The following SLC8A1 variants were observed in gnomAD, a reference collection of about 807,000 sequenced individuals.
SLC8A1 encodes sodium/calcium exchanger 1.
A neutral mutation model predicts 68.3 loss-of-function variants in SLC8A1; 18 were observed. The ratio of observed to expected loss-of-function variants is 0.26; its 90% confidence interval spans 0.18 to 0.39. SLC8A1 has a LOEUF of 0.39. SLC8A1 is among the 10% of genes least tolerant of loss of function. SLC8A1 has a pLI of 1.00. For missense variants in SLC8A1, 985 were observed against 1,156.7 expected, an observed-to-expected ratio of 0.85 and a Z score of 2.15; for synonymous variants, 475 against 415.5, an observed-to-expected ratio of 1.14 and a Z score of -1.74.
At chr2:40,176,320 G>A (rs1399337563) in intron 3 of SLC8A1, among the ~76,000 whole-genome samples, 2 of 152,124 alleles carry the variant, frequency 1.3e-5, no homozygotes, top group Non-Finnish European at 2.9e-5. Flanking sequence ...GCTGTTACAT[G>A]AGAGCATATT....
intron 2 of SLC8A1, among the ~76,000 whole-genome samples, chr2:40,220,806 T>G (rs573969913): frequency 6.6e-6 from 1 of 152,068 alleles, no homozygotes; most frequent in Admixed American, 6.6e-5. Flanking sequence ...TGTAACAGAT[T>G]CAGACTAGAT....
chr2:40,196,739 A>C (rs1214189019), intron 2 of SLC8A1, among the ~76,000 whole-genome samples: 2 of 151,776 alleles, frequency 1.3e-5, no homozygotes, highest in Admixed American at 6.6e-5. Flanking sequence ...TATCTGTCTC[A>C]CTCCCCACAT....
At chr2:40,167,350 A>G (rs969811740) in intron 4 of SLC8A1, among the ~76,000 whole-genome samples, 3 of 152,158 alleles carry the variant, frequency 2.0e-5, no homozygotes, top group Admixed American at 6.5e-5. Context: ...TCCATTGTAA[A>G]AATTTTTTAA....
intron 2 of SLC8A1, among the ~76,000 whole-genome samples, chr2:40,297,062 C>T (rs1026163444): frequency 1.2e-4 from 19 of 152,024 alleles, no homozygotes; most frequent in Non-Finnish European, 2.6e-4. Context: ...TCTTGGTGAA[C>T]TGAAGGCACA....
chr2:40,425,538 T>C (rs1228946807), intron 2 of SLC8A1, among the ~76,000 whole-genome samples: 1 of 151,920 alleles, frequency 6.6e-6, no homozygotes, highest in Non-Finnish European at 1.5e-5. Flanking sequence ...TAATAAAGTC[T>C]GGCTTTGTGC....
intron 2 of SLC8A1, among the ~76,000 whole-genome samples, chr2:40,258,295 T>C (rs890641350): frequency 6.6e-6 from 1 of 152,332 alleles, no homozygotes; most frequent in Non-Finnish European, 1.5e-5. Flanking sequence ...CTAGCCACTG[T>C]GAGTGCTGGC....
chr2:40,316,338 C>T (rs1273162991), intron 2 of SLC8A1, among the ~76,000 whole-genome samples: 1 of 151,960 alleles, frequency 6.6e-6, no homozygotes, highest in East Asian at 1.9e-4. Flanking sequence ...ACTTTTACTA[C>T]CTCCAAAAAG....
intron 2 of SLC8A1, among the ~76,000 whole-genome samples, chr2:40,362,345 A>G (rs1422391434): frequency 2.0e-5 from 3 of 152,164 alleles, no homozygotes; most frequent in Non-Finnish European, 4.4e-5. Flanking sequence ...TAGCATAAAT[A>G]ATGACAGCCC....
At chr2:40,134,201 C>A (rs906608857) in intron 7 of SLC8A1, among the ~76,000 whole-genome samples, 1 of 151,946 alleles carries the variant, frequency 6.6e-6, no homozygotes, top group Non-Finnish European at 1.5e-5. Flanking sequence ...AAGCCATTCT[C>A]CTGTCTCAGC....
chr2:40,342,264 T>C (rs912675265), intron 2 of SLC8A1, among the ~76,000 whole-genome samples: 2 of 152,194 alleles, frequency 1.3e-5, no homozygotes, highest in African/African-American at 4.8e-5. Context: ...ATGGCCTATA[T>C]ATACTTAGCT....
intron 2 of SLC8A1, among the ~76,000 whole-genome samples, chr2:40,279,941 C>G (rs2067273726): frequency 6.6e-6 from 1 of 152,160 alleles, no homozygotes; most frequent in African/African-American, 2.4e-5. Flanking sequence ...TGTTCCCTGC[C>G]TCTTTTCCAT....
chr2:40,117,747 G>A (rs1404272108), intron 7 of SLC8A1, among the ~76,000 whole-genome samples: 1 of 152,150 alleles, frequency 6.6e-6, no homozygotes, highest in Admixed American at 6.5e-5. Flanking sequence ...CTCTGAGCAT[G>A]TATGTAGTTG....
chr2:40,294,193 T>C (rs114358726), intron 2 of SLC8A1, among the ~76,000 whole-genome samples: 1,788 of 152,266 alleles, frequency 0.012, 34 homozygotes, highest in African/African-American at 0.041. Flanking sequence ...GTTTCACAAG[T>C]GCATAAAGAT....
At chr2:40,360,090 C>A (rs549967078) in intron 2 of SLC8A1, among the ~76,000 whole-genome samples, 3 of 152,124 alleles carry the variant, frequency 2.0e-5, no homozygotes, top group Non-Finnish European at 4.4e-5. Context: ...TCCCAAAAAC[C>A]TTACAAGGTC....
chr2:40,137,920 A>G (rs1455034798), intron 7 of SLC8A1, among the ~76,000 whole-genome samples: 1 of 152,162 alleles, frequency 6.6e-6, no homozygotes, highest in Non-Finnish European at 1.5e-5. Flanking sequence ...ACCATGCCTT[A>G]TGGCTGACCA....
At chr2:40,131,205 A>C (rs567754304) in intron 7 of SLC8A1, among the ~76,000 whole-genome samples, 104 of 152,276 alleles carry the variant, frequency 6.8e-4, no homozygotes, top group Non-Finnish European at 1.3e-3. Flanking sequence ...TCATACATCT[A>C]GTAAGTAGCG....
At chr2:40,510,802 G>A (rs1455107456) in intron 1 of SLC8A1, among the ~76,000 whole-genome samples, 2 of 152,028 alleles carry the variant, frequency 1.3e-5, no homozygotes, top group Non-Finnish European at 2.9e-5. Context: ...TGCTCTCAAT[G>A]TAAATAGGCA....
Position 40,363,876 on chromosome 2 carries a change from G to A in SLC8A1, c.1808+64597C>T, listed in dbSNP as rs570519945. 1.9e-3 allele frequency among the ~76,000 whole-genome samples: 285 copies of A among 152,050 alleles called. 1 individual carries two copies. The highest frequency in any genetic ancestry group is 6.4e-3 in the African/African-American group (267 of 41,476). Reference sequence around the variant, plus strand: ...CACATTATTTGCTTGTTGAGTTTACGCAAGACGTTTTTCCAAGGGAGGTTT... The same window carrying A: ...CACATTATTTGCTTGTTGAGTTTACACAAGACGTTTTTCCAAGGGAGGTTT... On this transcript the variant is annotated intron_variant, in intron 2 of 7. Coordinates refer to ENST00000406785, the Ensembl canonical transcript of SLC8A1.
chr2:40,494,419 T>C (rs1229919329), intron 1 of SLC8A1, among the ~76,000 whole-genome samples: 1 of 151,824 alleles, frequency 6.6e-6, no homozygotes, highest in Non-Finnish European at 1.5e-5. Context: ...GACATTTGGG[T>C]TGGTTCCAAG....
Sources: allele counts gnomAD v4.1 joint callset (sites outside exome capture counted in the v4.1 genomes callset), GRCh38; gene constraint gnomAD v4.1.1; transcripts MANE v1.5; gene names NCBI Gene and HGNC (gene_info 2026-07-23, HGNC 2026-07-21).